The following EXOC4 variants were observed in gnomAD, a reference collection of about 807,000 sequenced individuals.
EXOC4 encodes the protein SEC8-like 1.
In EXOC4, 71 loss-of-function variants were observed where a neutral mutation model predicts 107.2. The ratio of observed to expected loss-of-function variants is 0.66; its 90% CI spans 0.55 to 0.81. The LOEUF (loss-of-function observed/expected upper bound fraction) is 0.81. Ranked by LOEUF, EXOC4 falls within the 30% of genes least tolerant of loss-of-function variation. The probability of loss-of-function intolerance (pLI) is 0.00; values close to 1 mark genes in which losing one functional copy is unlikely to be tolerated. For synonymous variants in EXOC4, 456 were observed against 441.2 expected (o/e 1.03, Z -0.42); for missense variants, 1,108 against 1,189.6 (o/e 0.93, Z 1.01).
chr7:133,886,384 A>G (rs1799087537), intron 11 of EXOC4, among the ~76,000 whole-genome samples: 1 of 152,226 alleles, frequency 6.6e-6, no homozygotes, highest in African/African-American at 2.4e-5. Context: ...TCAAAGGTAC[A>G]ATCATCCTTA....
At chr7:133,725,953 C>T (rs1585105004) in intron 10 of EXOC4, among the ~76,000 whole-genome samples, 1 of 152,166 alleles carries the variant, frequency 6.6e-6, no homozygotes, top group African/African-American at 2.4e-5. Context: ...TTGGACTCCA[C>T]ATTTGACAAA....
chr7:133,536,036 T>G (rs1005423270), intron 9 of EXOC4, among the ~76,000 whole-genome samples: 3 of 152,212 alleles, frequency 2.0e-5, no homozygotes, highest in African/African-American at 7.2e-5. Context: ...GGCAGCAGCA[T>G]CAGGTAATGG....
intron 14 of EXOC4, among the ~76,000 whole-genome samples, chr7:133,956,647 C>T (rs974313034): frequency 2.4e-4 from 36 of 152,180 alleles, no homozygotes; most frequent in African/African-American, 8.7e-4. Flanking sequence ...CTTCAGTGCA[C>T]ACAGGTCTCA....
chr7:133,353,566 G>A (rs146916201), intron 5 of EXOC4, among the ~76,000 whole-genome samples: 1 of 152,172 alleles, frequency 6.6e-6, no homozygotes, highest in Non-Finnish European at 1.5e-5. Flanking sequence ...CTACTTTCAA[G>A]ATTCTCTCTT....
At chr7:133,599,963 C>T (rs1801770284) in intron 9 of EXOC4, among the ~76,000 whole-genome samples, 1 of 129,394 alleles carries the variant, frequency 7.7e-6, no homozygotes, top group Non-Finnish European at 1.5e-5. Flanking sequence ...TACAGTGGTA[C>T]AGTCATGGCT....
At chr7:133,390,064 G>A (rs1796818403) in intron 7 of EXOC4, among the ~76,000 whole-genome samples, 1 of 152,104 alleles carries the variant, frequency 6.6e-6, no homozygotes, top group Non-Finnish European at 1.5e-5. Context: ...GATGAGATCT[G>A]GGTGGGGACA....
intron 9 of EXOC4, among the ~76,000 whole-genome samples, chr7:133,614,956 A>T (rs189912487): frequency 2.0e-5 from 3 of 152,124 alleles, no homozygotes; most frequent in Admixed American, 1.3e-4. Flanking sequence ...GAGGAAGAAG[A>T]TCTAGAAGAA....
At position 133,514,669 on chromosome 7, in the gene EXOC4, A is replaced by G. The variant is rs1425009939; in HGVS notation, c.1417+34531A>G. Among the ~76,000 whole-genome samples the G allele has an allele frequency of 2.0e-5, 3 of 152,190 alleles. No homozygotes were observed. In the East Asian group the frequency reaches 5.8e-4, roughly 29 times the overall value. On this transcript the variant is annotated intron_variant, in intron 9 of 17. Transcript: ENST00000253861. Reference sequence around the variant, plus strand: ...ACTTTCCATACTGGCAGCAAGATGTACCAGAGTTCTTAAGAGGAGACTAAT... The same window carrying G: ...ACTTTCCATACTGGCAGCAAGATGTGCCAGAGTTCTTAAGAGGAGACTAAT...
chr7:133,801,239 T>C (rs1040689151), intron 10 of EXOC4, among the ~76,000 whole-genome samples: 3 of 152,182 alleles, frequency 2.0e-5, no homozygotes, highest in Non-Finnish European at 2.9e-5. Context: ...AATGGTCTCT[T>C]TTTATTCAGC....
intron 13 of EXOC4, among the ~76,000 whole-genome samples, chr7:133,922,590 T>TA (rs1188882907): frequency 6.6e-6 from 1 of 152,162 alleles, no homozygotes; most frequent in Non-Finnish European, 1.5e-5. Context: ...CTCATGCCTG[T>TA]AATCCCAGCA....
At chr7:133,469,027 T>G (rs1469551656) in intron 7 of EXOC4, among the ~76,000 whole-genome samples, 1 of 152,178 alleles carries the variant, frequency 6.6e-6, no homozygotes, top group East Asian at 1.9e-4. Flanking sequence ...ATGTTACTAT[T>G]TCTCATGTCA....
chr7:134,054,285 C>T (rs1158035893), intron 17 of EXOC4, among the ~76,000 whole-genome samples: 2 of 152,116 alleles, frequency 1.3e-5, no homozygotes, highest in Admixed American at 6.5e-5. Context: ...TTAACACCCA[C>T]CCCAACACAC....
At chr7:133,300,284 T>C (rs564337760) in intron 3 of EXOC4, among the ~76,000 whole-genome samples, 11 of 152,190 alleles carry the variant, frequency 7.2e-5, no homozygotes, top group African/African-American at 2.2e-4. Flanking sequence ...TGGAACTCTG[T>C]CTTCAGTACC....
intron 7 of EXOC4, among the ~76,000 whole-genome samples, chr7:133,471,585 C>G (rs1204659906): frequency 6.6e-6 from 1 of 152,118 alleles, no homozygotes; most frequent in Non-Finnish European, 1.5e-5. Context: ...TTACACCCAT[C>G]CTTTTTCTTT....
intron 11 of EXOC4, among the ~76,000 whole-genome samples, chr7:133,883,478 CAAAAAAA>C (rs1168936994): frequency 1.6e-5 from 2 of 128,300 alleles, no homozygotes; most frequent in African/African-American, 5.7e-5. Context: ...CCATCTCTAC[CAAAAAAA>C]AAAAAAAAAT....
chr7:134,008,669 G>T (rs1055578422), intron 17 of EXOC4, among the ~76,000 whole-genome samples: 1 of 151,902 alleles, frequency 6.6e-6, no homozygotes, highest in African/African-American at 2.4e-5. Flanking sequence ...AAGTGACAGG[G>T]TATTGCTCTG....
At chr7:134,006,874 A>T (rs944122020) in intron 16 of EXOC4, among the ~76,000 whole-genome samples, 2 of 152,196 alleles carry the variant, frequency 1.3e-5, no homozygotes, top group African/African-American at 4.8e-5. Flanking sequence ...ACTTAATTAC[A>T]TGGGATATCC....
In EXOC4 at chr7:133,324,517, A is replaced by G. The variant is rs187001384; in HGVS notation, c.763+7127A>G. On this transcript the variant is annotated intron_variant, in intron 5 of 17. Coordinates refer to ENST00000253861, the MANE Select transcript of EXOC4 (RefSeq NM_021807.4). ...TGTTCAGTTTCCATGTAGTTGTGTG[A>G]TTTTGAGTGAGTTTCTTAATCCTGA... 2.1e-3 allele frequency among the ~76,000 whole-genome samples: 319 copies of G among 152,102 alleles called. 2 individuals are homozygous for G. Among genetic ancestry groups the G allele is most frequent in the African/African-American group, 7.4e-3 (307 of 41,520 alleles).
intron 10 of EXOC4, among the ~76,000 whole-genome samples, chr7:133,783,791 G>A (rs1408679670): frequency 6.6e-6 from 1 of 152,188 alleles, no homozygotes. Flanking sequence ...GTAACAGGAG[G>A]TAGTACAGAT....
Sources: allele counts gnomAD v4.1 joint callset (sites outside exome capture counted in the v4.1 genomes callset), GRCh38; gene constraint gnomAD v4.1.1; transcripts MANE v1.5; gene names NCBI Gene and HGNC (gene_info 2026-07-23, HGNC 2026-07-21).